The following NUAK1 variants were observed in gnomAD, a reference collection of about 807,000 sequenced individuals.
NUAK1 encodes the protein NUAK family kinase 1.
A neutral mutation model predicts 56.9 loss-of-function variants in NUAK1; 26 were observed. That is an observed-to-expected ratio of 0.46 (90% CI 0.33 to 0.63). NUAK1 has a LOEUF of 0.63. Among genes scored for constraint, NUAK1 ranks in the 30% least tolerant of loss-of-function variants. The pLI, the probability that NUAK1 is intolerant of heterozygous loss-of-function variation, is 0.02. For missense variants in NUAK1, 727 were observed against 876.1 expected, an observed-to-expected ratio of 0.83 and a Z score of 2.15; for synonymous variants, 337 against 336.0, an observed-to-expected ratio of 1.00 and a Z score of -0.03.
intron 6 of NUAK1, among the ~76,000 whole-genome samples, chr12:106,070,560 C>T (rs1231803674): frequency 6.6e-6 from 1 of 152,182 alleles, no homozygotes; most frequent in Non-Finnish European, 1.5e-5. Flanking sequence ...GCAAACAGGA[C>T]TCCTAGAAGG....
At chr12:106,069,067 T>C (rs1337215923) in intron 6 of NUAK1, among the ~76,000 whole-genome samples, 1 of 152,214 alleles carries the variant, frequency 6.6e-6, no homozygotes, top group African/African-American at 2.4e-5. Flanking sequence ...GAAAAAATTA[T>C]ATATAGAGAG....
At chr12:106,072,533 G>C (rs2032416438) in intron 5 of NUAK1, among the ~76,000 whole-genome samples, 191 bp downstream of exon 5, 1 of 152,046 alleles carries the variant, frequency 6.6e-6, no homozygotes, top group Non-Finnish European at 1.5e-5. Flanking sequence ...TCTCCTTTAG[G>C]CTTTTCTGGG....
intron 1 of NUAK1, among the ~76,000 whole-genome samples, chr12:106,135,328 G>C (rs1397964431): frequency 6.6e-6 from 1 of 152,238 alleles, no homozygotes; most frequent in Non-Finnish European, 1.5e-5. Flanking sequence ...AGCAGAGGCT[G>C]CAAGACTGCA....
intron 2 of NUAK1, chr12:106,103,368 ACACCCTACAGGTC>A (rs2032767750): frequency 6.6e-6 from 1 of 152,232 alleles, no homozygotes; most frequent in Non-Finnish European, 1.5e-5. Context: ...GTATGGCTCC[ACACCCTACAGGTC>A]AATCCTTCAC....
At position 106,119,602 on chromosome 12, in the gene NUAK1, G is replaced by A. The variant is rs115185274; in HGVS notation, c.241-13077C>T. Among the ~76,000 whole-genome samples, 798 of 152,272 alleles carry A rather than the reference G, an allele frequency of 5.2e-3. 5 individuals carry two copies. Among genetic ancestry groups the A allele is most frequent in the African/African-American group, 0.017 (690 of 41,544 alleles). ...GCTAGACACAGCCTCACTGACAGAA[G>A]CAAGACATGACAACTCACTTTCCCC... On this transcript the variant is annotated intron_variant, in intron 1 of 6. Transcript: ENST00000261402.
chr12:106,091,141 G>A (rs1181748020), intron 2 of NUAK1, among the ~76,000 whole-genome samples: 2 of 152,148 alleles, frequency 1.3e-5, no homozygotes, highest in African/African-American at 2.4e-5. Context: ...CAGAAATCTT[G>A]TCTGTGTTTA....
At chr12:106,086,703 G>A (rs775443761) in intron 3 of NUAK1, 31 bp downstream of exon 3, 16 of 1,584,146 alleles carry the variant, frequency 1.0e-5, no homozygotes, top group Admixed American at 1.7e-5. Flanking sequence ...AACCATCTAC[G>A]GCCAAAGCTG....
intron 1 of NUAK1, among the ~76,000 whole-genome samples, chr12:106,115,069 T>C (rs568152822): frequency 6.6e-6 from 1 of 152,346 alleles, no homozygotes; most frequent in Non-Finnish European, 1.5e-5. Flanking sequence ...CATCCTATTA[T>C]TTCTTAATTC....
chr12:106,125,034 A>G (rs1330782945), intron 1 of NUAK1, among the ~76,000 whole-genome samples: 1 of 150,994 alleles, frequency 6.6e-6, no homozygotes, highest in Non-Finnish European at 1.5e-5. Context: ...AAATAAATAA[A>G]TATCTGTTGA....
At chr12:106,096,840 T>G (rs1191244593) in intron 2 of NUAK1, among the ~76,000 whole-genome samples, 1 of 152,238 alleles carries the variant, frequency 6.6e-6, no homozygotes, top group Non-Finnish European at 1.5e-5. Context: ...GGATTAAGCC[T>G]GTATTTCTCA....
intron 1 of NUAK1, among the ~76,000 whole-genome samples, chr12:106,107,967 T>C (rs1376281220): frequency 6.6e-6 from 1 of 152,200 alleles, no homozygotes; most frequent in Admixed American, 6.5e-5. Context: ...GGGATCTTAT[T>C]CACTGCTTTA....
chr12:106,131,945 T>C (rs1205204754), intron 1 of NUAK1, among the ~76,000 whole-genome samples: 1 of 152,212 alleles, frequency 6.6e-6, no homozygotes, highest in African/African-American at 2.4e-5. Context: ...TGCTCTACAA[T>C]GTCGTCTGGG....
intron 1 of NUAK1, among the ~76,000 whole-genome samples, chr12:106,132,388 A>G (rs1565929532): frequency 2.0e-5 from 3 of 152,204 alleles, no homozygotes; most frequent in African/African-American, 7.2e-5. Context: ...TGTGCTTGGC[A>G]CCATGTGAGG....
chr12:106,121,775 G>A (rs1443604491), intron 1 of NUAK1, among the ~76,000 whole-genome samples: 1 of 152,016 alleles, frequency 6.6e-6, no homozygotes, highest in African/African-American at 2.4e-5. Flanking sequence ...GGGGGGGTGT[G>A]GGGAGGGAGG....
intron 2 of NUAK1, among the ~76,000 whole-genome samples, chr12:106,087,395 C>T (rs11112859): frequency 0.033 from 5,097 of 152,258 alleles, 293 homozygotes; most frequent in African/African-American, 0.12. Context: ...TGCACGATCC[C>T]ATGGGCCCCT....
chr12:106,130,529 T>C (rs573712077), intron 1 of NUAK1, among the ~76,000 whole-genome samples: 10 of 152,320 alleles, frequency 6.6e-5, no homozygotes, highest in Non-Finnish European at 1.2e-4. Flanking sequence ...GTCTTTCTTA[T>C]GGGGAAGCTT....
Position 106,106,548 on chromosome 12 carries a change from GT to G in NUAK1, c.241-24del, listed in dbSNP as rs760688939. ...AACCTATAAAGTCAGGAAATGAAAT[GT>G]TATTCAGAGAGCTAAACAGATGCAA... On this transcript the variant is annotated intron_variant, in intron 1 of 6. Transcript: ENST00000261402. The G allele has an allele frequency of 1.9e-6, 3 of 1,606,740 alleles. No individual in the cohort carries two copies. The African/African-American group carries it at 4.0e-5, about 21-fold the overall frequency.
chr12:106,092,851 A>T (rs1233036572), intron 2 of NUAK1, among the ~76,000 whole-genome samples: 2 of 152,150 alleles, frequency 1.3e-5, no homozygotes, highest in African/African-American at 4.8e-5. Flanking sequence ...CCCTTCCTCC[A>T]TCATACAGTT....
rs1157397943 is a variant in NUAK1 at position 106,083,949 on chromosome 12, A to G, written c.514-20T>C. 6.2e-7 allele frequency: 1 copy of G among 1,609,904 alleles called. No homozygotes were observed. The highest frequency in any genetic ancestry group is 1.1e-5 in the South Asian group (1 of 90,994). On this transcript the variant is annotated intron_variant, in intron 3 of 6. Transcript: ENST00000261402. ...ACCGTTCTGAAATGAGAAGACAAAG[A>G]GGGAATTGAATGGGAGCGGCTGGGA...
Sources: gnomAD v4.1 joint callset for allele counts (sites outside exome capture counted in the v4.1 genomes callset) on GRCh38, gnomAD v4.1.1 for gene constraint, MANE v1.5 for transcripts, NCBI Gene and HGNC (gene_info 2026-07-23, HGNC 2026-07-21) for gene names.